The following CPE variants were observed in gnomAD, a reference collection of about 807,000 sequenced individuals.
The protein encoded by CPE is carbocypeptidase E.
In CPE, 17 loss-of-function variants were observed where a neutral mutation model predicts 53.5. That is an observed-to-expected ratio of 0.32 (90% CI 0.22 to 0.48). CPE has a LOEUF of 0.48. Among genes scored for constraint, CPE ranks in the 20% least tolerant of loss-of-function variants. CPE has a pLI of 0.99. For synonymous variants in CPE, 226 were observed against 228.8 expected, an observed-to-expected ratio of 0.99 and a Z score of 0.11; for missense variants, 524 against 614.7, an observed-to-expected ratio of 0.85 and a Z score of 1.56.
chr4:165,465,348 C>T (rs1192601202), intron 2 of CPE, among the ~76,000 whole-genome samples: 1 of 151,922 alleles, frequency 6.6e-6, no homozygotes, highest in Non-Finnish European at 1.5e-5. Context: ...GAAACCCAGC[C>T]AATTTCTGTA....
intron 1 of CPE, among the ~76,000 whole-genome samples, chr4:165,387,860 G>A (rs1400711253): frequency 6.6e-6 from 1 of 152,102 alleles, no homozygotes; most frequent in East Asian, 1.9e-4. Flanking sequence ...GACCTCAGGG[G>A]ATCTGCCCGC....
chr4:165,452,276 C>A (rs1463907195), intron 1 of CPE, among the ~76,000 whole-genome samples: 1 of 152,098 alleles, frequency 6.6e-6, no homozygotes, highest in African/African-American at 2.4e-5. Flanking sequence ...TTCAAAATAG[C>A]TAGAAGAGAA....
intron 1 of CPE, among the ~76,000 whole-genome samples, chr4:165,395,172 T>A: frequency 6.6e-6 from 1 of 152,266 alleles, no homozygotes; most frequent in Non-Finnish European, 1.5e-5. Context: ...TGTGAAAGGG[T>A]GTGTTCTCAT....
chr4:165,403,773 C>A (rs1730909198), intron 1 of CPE, among the ~76,000 whole-genome samples: 1 of 151,414 alleles, frequency 6.6e-6, no homozygotes. Flanking sequence ...CTGACAGGAA[C>A]AGGCAAAGAG....
intron 1 of CPE, among the ~76,000 whole-genome samples, chr4:165,411,092 T>A: frequency 6.6e-6 from 1 of 152,192 alleles, no homozygotes; most frequent in East Asian, 1.9e-4. Context: ...GAGCATAGTA[T>A]GACTTAAGAT....
At chr4:165,430,539 A>C (rs1262898239) in intron 1 of CPE, among the ~76,000 whole-genome samples, 1 of 152,170 alleles carries the variant, frequency 6.6e-6, no homozygotes, top group Non-Finnish European at 1.5e-5. Context: ...AAAAGAAGAT[A>C]ATAAGGACTT....
chr4:165,460,467 T>C (rs1489853190), intron 1 of CPE, among the ~76,000 whole-genome samples: 1 of 152,172 alleles, frequency 6.6e-6, no homozygotes, highest in African/African-American at 2.4e-5. Flanking sequence ...GCTGCCTTCA[T>C]TCCCAAAGAA....
At chr4:165,436,879 C>T (rs1471698438) in intron 1 of CPE, among the ~76,000 whole-genome samples, 1 of 152,178 alleles carries the variant, frequency 6.6e-6, no homozygotes, top group Non-Finnish European at 1.5e-5. Flanking sequence ...AAAGCTTCTA[C>T]TTTGCCCTCT....
chr4:165,434,966 C>T (rs534863112), intron 1 of CPE, among the ~76,000 whole-genome samples: 2 of 152,254 alleles, frequency 1.3e-5, no homozygotes, highest in South Asian at 4.1e-4. Context: ...CTGGCACCTC[C>T]CTTCTTTTGC....
At chr4:165,451,697 G>A (rs1731813291) in intron 1 of CPE, among the ~76,000 whole-genome samples, 1 of 152,084 alleles carries the variant, frequency 6.6e-6, no homozygotes, top group African/African-American at 2.4e-5. Flanking sequence ...TCACCATGTT[G>A]GTCAGGCTGG....
intron 1 of CPE, among the ~76,000 whole-genome samples, chr4:165,431,395 G>A (rs1320799248): frequency 1.3e-5 from 2 of 152,176 alleles, no homozygotes; most frequent in Non-Finnish European, 2.9e-5. Flanking sequence ...TTTTGTACAT[G>A]AGAGGAAAGG....
At chr4:165,388,190 G>A (rs145139030) in intron 1 of CPE, among the ~76,000 whole-genome samples, 1 of 152,234 alleles carries the variant, frequency 6.6e-6, no homozygotes, top group African/African-American at 2.4e-5. Flanking sequence ...CTCAAAATTT[G>A]CACAAATCAT....
intron 1 of CPE, among the ~76,000 whole-genome samples, chr4:165,442,740 G>T (rs1184587755): frequency 1.3e-5 from 2 of 152,218 alleles, no homozygotes; most frequent in Non-Finnish European, 2.9e-5. Flanking sequence ...GAGAGTAATG[G>T]TGTAGGAACA....
intron 3 of CPE, among the ~76,000 whole-genome samples, chr4:165,477,875 G>A (rs1732331088): frequency 6.6e-6 from 1 of 152,128 alleles, no homozygotes; most frequent in Non-Finnish European, 1.5e-5. Context: ...ACTCGCTCGA[G>A]ATCCATGCTC....
intron 1 of CPE, among the ~76,000 whole-genome samples, chr4:165,384,296 A>G (rs1207554048): frequency 6.6e-6 from 1 of 152,216 alleles, no homozygotes; most frequent in East Asian, 1.9e-4. Flanking sequence ...GTATGTTTCA[A>G]ATCTCCAAGT....
rs11357652 is a variant in CPE, at chr4:165,455,655, A to AT, written c.308-8720dup. On this transcript the variant is annotated intron_variant, in intron 1 of 8. Transcript: ENST00000402744. The stretch of plus-strand genomic sequence containing the variant: ...CAATGTTCTTAAACAAGTCAAAGGT[A>AT]TTTTTTTTTTTTTTTGAGACAGAGT... 5.8e-3 allele frequency among the ~76,000 whole-genome samples: 818 copies of AT among 142,028 alleles called. 3 individuals carry two copies. The highest frequency in any genetic ancestry group is 0.023 in the South Asian group (102 of 4,518). 93.2% of individuals were successfully genotyped at this position (142,028 alleles called of 152,430 possible).
At chr4:165,497,056 G>A (rs1356072908) in intron 8 of CPE, among the ~76,000 whole-genome samples, 2 of 152,016 alleles carry the variant, frequency 1.3e-5, no homozygotes, top group Non-Finnish European at 2.9e-5. Context: ...CTGAGTAGCT[G>A]GGATTACAGC....
chr4:165,493,589 G>A (rs1732649386), intron 7 of CPE, among the ~76,000 whole-genome samples: 1 of 152,184 alleles, frequency 6.6e-6, no homozygotes, highest in South Asian at 2.1e-4. Flanking sequence ...AGGAGCTGCT[G>A]GAGTTAAAAT....
At chr4:165,405,254 C>G (rs1005271188) in intron 1 of CPE, 2 of 882,308 alleles carry the variant, frequency 2.3e-6, no homozygotes, top group African/African-American at 3.3e-5. Context: ...TCCCATCATC[C>G]CTGCACCAGG....
Sources: gnomAD v4.1 joint callset for allele counts (sites outside exome capture counted in the v4.1 genomes callset) on GRCh38, gnomAD v4.1.1 for gene constraint, MANE v1.5 for transcripts, NCBI Gene and HGNC (gene_info 2026-07-23, HGNC 2026-07-21) for gene names.